The following MACROD2 variants were observed in gnomAD, a reference collection of about 807,000 sequenced individuals.
MACROD2 encodes the protein mono-ADP ribosylhydrolase 2.
In MACROD2, 36 loss-of-function variants were observed where a neutral mutation model predicts 70.4. The observed-to-expected ratio is 0.51, with a 90% CI of 0.39 to 0.68. MACROD2 has a LOEUF of 0.68. MACROD2 is among the 30% of genes least tolerant of loss of function. The probability of loss-of-function intolerance (pLI) is 0.00; values close to 1 mark genes in which losing one functional copy is unlikely to be tolerated. For synonymous variants in MACROD2, 172 were observed against 178.8 expected, an observed-to-expected ratio of 0.96 and a Z score of 0.30; for missense variants, 496 against 538.4, an observed-to-expected ratio of 0.92 and a Z score of 0.78.
At chr20:15,822,493 C>G (rs2063949833) in intron 8 of MACROD2, among the ~76,000 whole-genome samples, 1 of 151,958 alleles carries the variant, frequency 6.6e-6, no homozygotes, top group Non-Finnish European at 1.5e-5. Flanking sequence ...TAGTAATGTA[C>G]AGGAATGAAA....
intron 5 of MACROD2, among the ~76,000 whole-genome samples, chr20:15,226,719 T>C (rs952793593): frequency 6.6e-5 from 10 of 152,146 alleles, no homozygotes; most frequent in African/African-American, 1.7e-4. Flanking sequence ...TGCCCAGATA[T>C]TCTATTTTCC....
intron 5 of MACROD2, among the ~76,000 whole-genome samples, chr20:14,735,453 C>T (rs775800296): frequency 2.6e-5 from 4 of 152,112 alleles, no homozygotes; most frequent in Admixed American, 2.6e-4. Context: ...CCTCTTCACA[C>T]CCCTGATAAT....
chr20:15,677,430 G>A (rs1398681022), intron 8 of MACROD2, among the ~76,000 whole-genome samples: 2 of 152,122 alleles, frequency 1.3e-5, no homozygotes, highest in East Asian at 3.9e-4. Flanking sequence ...GCTTTGACAT[G>A]TGTGGCCATC....
At chr20:15,886,627 CT>C (rs2064826013) in intron 10 of MACROD2, among the ~76,000 whole-genome samples, 1 of 152,112 alleles carries the variant, frequency 6.6e-6, no homozygotes, top group Non-Finnish European at 1.5e-5. Context: ...ACAAAGCCCA[CT>C]TGTTATGAGG....
intron 2 of MACROD2, among the ~76,000 whole-genome samples, chr20:14,085,378 G>T (rs1407311606): frequency 6.6e-6 from 1 of 151,860 alleles, no homozygotes; most frequent in African/African-American, 2.4e-5. Context: ...TGAATTTCTT[G>T]TTGACCAATA....
chr20:14,100,575 C>G (rs1013744387), intron 3 of MACROD2, among the ~76,000 whole-genome samples: 1 of 144,758 alleles, frequency 6.9e-6, no homozygotes, highest in Non-Finnish European at 1.5e-5. Flanking sequence ...TGTTTTACAT[C>G]CCTATAGGGG....
intron 3 of MACROD2, among the ~76,000 whole-genome samples, chr20:14,414,871 A>G (rs1429399182): frequency 1.3e-5 from 2 of 150,562 alleles, no homozygotes; most frequent in Non-Finnish European, 2.9e-5. Context: ...TGACAATCCT[A>G]TTTAAAAAAC....
At chr20:15,602,689 T>A (rs1273010279) in intron 8 of MACROD2, among the ~76,000 whole-genome samples, 1 of 151,894 alleles carries the variant, frequency 6.6e-6, no homozygotes, top group Non-Finnish European at 1.5e-5. Context: ...GAGGAGAGAG[T>A]AGTGGAGAAT....
chr20:14,906,265 G>A (rs978157440), intron 5 of MACROD2, among the ~76,000 whole-genome samples: 1 of 152,180 alleles, frequency 6.6e-6, no homozygotes, highest in African/African-American at 2.4e-5. Flanking sequence ...AGGCCAAGGA[G>A]GGTGTGTCAC....
chr20:15,221,444 G>T (rs2076860492), intron 5 of MACROD2, among the ~76,000 whole-genome samples: 1 of 152,184 alleles, frequency 6.6e-6, no homozygotes, highest in African/African-American at 2.4e-5. Flanking sequence ...ACCCCTCTCT[G>T]TTGGAAATAA....
intron 8 of MACROD2, among the ~76,000 whole-genome samples, chr20:15,679,536 G>A (rs538733781): frequency 6.6e-6 from 1 of 152,306 alleles, no homozygotes; most frequent in African/African-American, 2.4e-5. Context: ...CCAACAGAAT[G>A]TGGCAGAAGT....
chr20:15,268,576 C>A (rs998700532), intron 6 of MACROD2, among the ~76,000 whole-genome samples: 1 of 152,126 alleles, frequency 6.6e-6, no homozygotes, highest in Admixed American at 6.5e-5. Context: ...TTGCTTGAAC[C>A]CGAAAGGCAG....
At chr20:14,948,266 G>T (rs572479679) in intron 5 of MACROD2, among the ~76,000 whole-genome samples, 13 of 152,286 alleles carry the variant, frequency 8.5e-5, no homozygotes, top group African/African-American at 2.2e-4. Context: ...ATACTTGATG[G>T]GAGTGGGGAA....
intron 5 of MACROD2, among the ~76,000 whole-genome samples, chr20:15,088,133 T>G (rs988118496): frequency 2.6e-5 from 4 of 151,818 alleles, no homozygotes; most frequent in African/African-American, 4.8e-5. Context: ...CCAGTGCTCA[T>G]TTGCATAACA....
intron 6 of MACROD2, among the ~76,000 whole-genome samples, chr20:15,334,888 A>T (rs567518970): frequency 1.7e-4 from 26 of 151,824 alleles, no homozygotes; most frequent in Non-Finnish European, 2.9e-4. Flanking sequence ...ACTCTGACAC[A>T]ATCTGATGAA....
intron 5 of MACROD2, among the ~76,000 whole-genome samples, chr20:14,841,734 C>A (rs371409796): frequency 1.3e-5 from 2 of 151,946 alleles, no homozygotes; most frequent in East Asian, 3.9e-4. Context: ...CTTGAGTTTT[C>A]TTTTATTACC....
intron 5 of MACROD2, among the ~76,000 whole-genome samples, chr20:15,175,748 C>G (rs552865889): frequency 6.6e-6 from 1 of 152,322 alleles, no homozygotes; most frequent in South Asian, 2.1e-4. Context: ...AGTGGCGGCC[C>G]ATCTGGAGGA....
At chr20:15,837,485 A>G (rs1377521722) in intron 8 of MACROD2, among the ~76,000 whole-genome samples, 2 of 152,130 alleles carry the variant, frequency 1.3e-5, no homozygotes, top group African/African-American at 2.4e-5. Flanking sequence ...CGAGGGCTCT[A>G]CTGTGTCCTC....
At chr20:15,659,431 T>G (rs533741071) in intron 8 of MACROD2, among the ~76,000 whole-genome samples, 55 of 149,702 alleles carry the variant, frequency 3.7e-4, no homozygotes, top group East Asian at 1.0e-3. Flanking sequence ...GTCTTTGCTC[T>G]GTGCCCTACC....
Sources: gnomAD v4.1 joint callset for allele counts (sites outside exome capture counted in the v4.1 genomes callset) on GRCh38, gnomAD v4.1.1 for gene constraint, MANE v1.5 for transcripts, NCBI Gene and HGNC (gene_info 2026-07-23, HGNC 2026-07-21) for gene names.